STAU2: variants seen among roughly 807,000 people sequenced by gnomAD.
STAU2 encodes staufen double-stranded RNA binding protein 2.
Under a neutral mutation model 65.9 loss-of-function variants are expected in STAU2, and 20 were observed. That is an observed-to-expected ratio of 0.30 (90% CI 0.21 to 0.44). The LOEUF is 0.44. STAU2 is among the 20% of genes least tolerant of loss of function. The pLI is 1.00. For synonymous variants in STAU2, 232 were observed against 233.9 expected (o/e 0.99, Z 0.07); for missense variants, 558 against 683.9 (o/e 0.82, Z 2.05).
At chr8:73,600,227 A>G (rs767813585) in intron 10 of STAU2, among the ~76,000 whole-genome samples, 5 of 152,242 alleles carry the variant, frequency 3.3e-5, no homozygotes, top group Non-Finnish European at 7.3e-5. Context: ...GTAAAGACAA[A>G]CTAAATGACA....
chr8:73,608,866 T>C (rs549146923), intron 9 of STAU2, among the ~76,000 whole-genome samples: 1 of 151,706 alleles, frequency 6.6e-6, no homozygotes, highest in Admixed American at 6.6e-5. Context: ...GGTGGGCACC[T>C]GTAATCCCAG....
At chr8:73,590,597 G>A (rs1034023714) in intron 11 of STAU2, 5 of 152,156 alleles carry the variant, frequency 3.3e-5, no homozygotes, top group African/African-American at 1.2e-4. Flanking sequence ...ATTACCCCAT[G>A]CCCATGGGCC....
At chr8:73,468,369 C>A (rs936704120) in intron 13 of STAU2, among the ~76,000 whole-genome samples, 1 of 152,158 alleles carries the variant, frequency 6.6e-6, no homozygotes, top group Non-Finnish European at 1.5e-5. Context: ...AAAACCTAGG[C>A]AATACCGTTC....
chr8:73,668,695 TA>T (rs1219645562), intron 6 of STAU2, among the ~76,000 whole-genome samples: 1 of 152,078 alleles, frequency 6.6e-6, no homozygotes, highest in Admixed American at 6.6e-5. Flanking sequence ...GAAAAATACA[TA>T]ACCGGATGTA....
rs556048916 is a variant in STAU2, at chr8:73,537,302, G to A, written c.1530+14710C>T. The stretch of plus-strand genomic sequence containing the variant: ...AGAGTCCCAGAAGGAAAAGAGATGA[G>A]TGGGACTGAAAAAAATTCAAAAAAG... On this transcript the variant is annotated intron_variant, in intron 13 of 14. Coordinates refer to ENST00000524300, the MANE Select transcript of STAU2 (RefSeq NM_001164380.2). Among the ~76,000 whole-genome samples, 5 of 126,798 alleles carry A rather than the reference G, an allele frequency of 3.9e-5. No homozygotes were observed. In the South Asian group the frequency reaches 1.5e-3, roughly 38 times the overall value. 83.2% of individuals were successfully genotyped at this position (126,798 alleles called of 152,430 possible). A position where few individuals can be genotyped will look rare whatever the true frequency, so the allele number is the denominator to read the frequency against.
chr8:73,744,381 T>C (rs1011367638), intron 1 of STAU2, among the ~76,000 whole-genome samples: 2 of 151,796 alleles, frequency 1.3e-5, no homozygotes, highest in Admixed American at 1.3e-4. Context: ...GTATCTAGAG[T>C]TTTCCCTCTT....
At chr8:73,536,035 A>G (rs186275530) in intron 13 of STAU2, among the ~76,000 whole-genome samples, 1 of 152,316 alleles carries the variant, frequency 6.6e-6, no homozygotes. Context: ...TTCAAAATGT[A>G]TAATATATAC....
At position 73,430,735 on chromosome 8, in the gene STAU2, T is replaced by C. The variant is rs1186488246; in HGVS notation, c.1531-8033A>G. The stretch of plus-strand genomic sequence containing the variant: ...CATACCTCCAAACCTGTTCAGAAGA[T>C]GGTAAAATCAACAATATCCTCATGT... On this transcript the variant is annotated intron_variant, in intron 13 of 14. Transcript: ENST00000524300. 2.0e-5 allele frequency among the ~76,000 whole-genome samples: 3 copies of C among 152,178 alleles called. No individual in the cohort carries two copies. The East Asian group carries it at 5.8e-4, about 29-fold the overall frequency.
intron 13 of STAU2, among the ~76,000 whole-genome samples, chr8:73,497,509 T>TA (rs1381232135): frequency 6.6e-6 from 1 of 151,698 alleles, no homozygotes; most frequent in African/African-American, 2.4e-5. Flanking sequence ...AAACAGGTGA[T>TA]ATAAAAGCTG....
At chr8:73,497,117 T>C (rs1163643754) in intron 13 of STAU2, among the ~76,000 whole-genome samples, 1 of 151,674 alleles carries the variant, frequency 6.6e-6, no homozygotes, top group Admixed American at 6.6e-5. Context: ...GAACAATCAT[T>C]AAGAAGCAAA....
chr8:73,587,142 C>G (rs1466703440), intron 11 of STAU2, among the ~76,000 whole-genome samples: 2 of 152,074 alleles, frequency 1.3e-5, no homozygotes, highest in Non-Finnish European at 2.9e-5. Flanking sequence ...GAAATTTTAA[C>G]AGCAATGCTG....
At chr8:73,482,292 TACA>T (rs1431904356) in intron 13 of STAU2, among the ~76,000 whole-genome samples, 2 of 151,958 alleles carry the variant, frequency 1.3e-5, no homozygotes, top group Non-Finnish European at 2.9e-5. Context: ...AGCTACTGGC[TACA>T]ACTTCAAAAA....
chr8:73,672,102 T>C (rs996697757), intron 6 of STAU2: 2 of 152,140 alleles, frequency 1.3e-5, no homozygotes, highest in African/African-American at 4.8e-5. Context: ...AAGAGAGTGC[T>C]TGTTTTGCAT....
chr8:73,602,596 C>T (rs59989936), intron 10 of STAU2, among the ~76,000 whole-genome samples: 2,310 of 151,854 alleles, frequency 0.015, 58 homozygotes, highest in African/African-American at 0.051. Flanking sequence ...GTAGTGTATG[C>T]GTGTAATCCT....
chr8:73,502,526 C>T (rs1821819628), intron 13 of STAU2, among the ~76,000 whole-genome samples: 1 of 152,046 alleles, frequency 6.6e-6, no homozygotes, highest in African/African-American at 2.4e-5. Flanking sequence ...AAATAAATGA[C>T]CTTGTGCCTC....
At chr8:73,737,565 CTTTT>C (rs538636180) in intron 3 of STAU2, among the ~76,000 whole-genome samples, 3 of 141,598 alleles carry the variant, frequency 2.1e-5, no homozygotes, top group Non-Finnish European at 3.1e-5. Flanking sequence ...TGTTTCTTTC[CTTTT>C]TTTTTTTTTT....
At position 73,696,474 on chromosome 8, in the gene STAU2, T is replaced by G. The variant is rs901862327; in HGVS notation, c.115-7661A>C. Among the ~76,000 whole-genome samples, 5 of 152,172 alleles carry G rather than the reference T, an allele frequency of 3.3e-5. No homozygotes were observed. The East Asian group carries it at 9.6e-4, about 29-fold the overall frequency. ...TTCAAAATAGCTGTTTTGAGGAAACTCAAAGAAATTCAAGACAACACAGAA... is the reference window on the plus strand; with the variant it reads ...TTCAAAATAGCTGTTTTGAGGAAACGCAAAGAAATTCAAGACAACACAGAA... On this transcript the variant is annotated intron_variant, in intron 4 of 14. Coordinates refer to ENST00000524300, the MANE Select transcript of STAU2 (RefSeq NM_001164380.2).
chr8:73,437,712 G>A (rs1817815383), intron 13 of STAU2, among the ~76,000 whole-genome samples: 1 of 152,204 alleles, frequency 6.6e-6, no homozygotes, highest in Non-Finnish European at 1.5e-5. Context: ...AAAGGTAAGG[G>A]TCTGGCTGAG....
chr8:73,603,960 C>T (rs1234089522), intron 9 of STAU2, 97 bp from the exon 10 acceptor site: 55 of 1,283,544 alleles, frequency 4.3e-5, no homozygotes, highest in Non-Finnish European at 5.2e-5. Context: ...CCCCCACACC[C>T]CAAAACTGTG....
Sources: gnomAD v4.1 joint callset for allele counts (sites outside exome capture counted in the v4.1 genomes callset) on GRCh38, gnomAD v4.1.1 for gene constraint, MANE v1.5 for transcripts, NCBI Gene and HGNC (gene_info 2026-07-23, HGNC 2026-07-21) for gene names.